KATNAL1: variants seen among roughly 807,000 people sequenced by gnomAD.
KATNAL1 encodes katanin catalytic subunit A1 like 1.
A neutral mutation model predicts 55.2 loss-of-function variants in KATNAL1; 32 were observed. The ratio of observed to expected loss-of-function variants is 0.58; its 90% CI spans 0.44 to 0.78. The LOEUF is 0.78. KATNAL1 is among the 30% of genes least tolerant of loss of function. The pLI, the probability that KATNAL1 is intolerant of heterozygous loss-of-function variation, is 0.00. For missense variants in KATNAL1, 466 were observed against 600.9 expected (o/e 0.78, Z 2.35); for synonymous variants, 193 against 193.6 (o/e 1.00, Z 0.02).
chr13:30,227,406 T>A lies in KATNAL1; in HGVS notation c.1147+6A>T, dbSNP rs759570459. On this transcript the variant is annotated splice_donor_region_variant and intron_variant, in intron 9 of 10. Transcript: ENST00000380615. ...CAGAAAGCTCAAAATAGAGAAGACATCATACCTGTTGGGAGAGGTATATAT... is the reference window on the plus strand; with the variant it reads ...CAGAAAGCTCAAAATAGAGAAGACAACATACCTGTTGGGAGAGGTATATAT... 1.9e-6 allele frequency: 3 copies of A among 1,612,284 alleles called. No individual in the cohort carries two copies. The South Asian group carries it at 3.3e-5, about 18-fold the overall frequency.
chr13:30,247,329 A>G (rs933054647), intron 4 of KATNAL1, among the ~76,000 whole-genome samples: 2 of 152,214 alleles, frequency 1.3e-5, no homozygotes, highest in African/African-American at 4.8e-5. Context: ...GTGCTTACTA[A>G]TTTCAGTATC....
At chr13:30,227,303 T>G in intron 9 of KATNAL1, 109 bp downstream of exon 9, 1 of 1,007,182 alleles carries the variant, frequency 9.9e-7, no homozygotes, top group Non-Finnish European at 1.4e-6. Flanking sequence ...AAATTAATTT[T>G]GTGATGCTAT....
chr13:30,217,654 GACA>G (rs1372207261), intron 9 of KATNAL1, among the ~76,000 whole-genome samples: 2 of 152,138 alleles, frequency 1.3e-5, no homozygotes, highest in African/African-American at 4.8e-5. Flanking sequence ...CAGTACAGGA[GACA>G]ACAACTACAT....
intron 1 of KATNAL1, among the ~76,000 whole-genome samples, chr13:30,293,862 C>T (rs888916590): frequency 7.9e-5 from 12 of 152,194 alleles, no homozygotes; most frequent in African/African-American, 2.9e-4. Flanking sequence ...CATGTGCTCA[C>T]TTTGTGTCTC....
In KATNAL1 at chr13:30,208,755, A is replaced by T; in HGVS notation, c.1275-17T>A. 6.4e-7 allele frequency: 1 copy of T among 1,554,366 alleles called. No homozygotes were observed. Among genetic ancestry groups the T allele is most frequent in the Non-Finnish European group, 8.8e-7 (1 of 1,138,464 alleles). On this transcript the variant is annotated splice_polypyrimidine_tract_variant and intron_variant, in intron 10 of 10. Transcript: ENST00000380615. ...GAGGCATCCCTAAAAATATACCAAA[A>T]TCAGTCAACAGTAATTTTTGCACAT...
chr13:30,254,283 G>C (rs1012240593), intron 4 of KATNAL1, among the ~76,000 whole-genome samples: 1 of 152,090 alleles, frequency 6.6e-6, no homozygotes, highest in Admixed American at 6.5e-5. Context: ...ATAATGGAGG[G>C]AACAAATTTT....
intron 2 of KATNAL1, 42 bp downstream of exon 2, chr13:30,283,574 T>C: frequency 6.3e-7 from 1 of 1,589,376 alleles, no homozygotes. Context: ...TATAATAGGG[T>C]ACTGCCATCC....
In KATNAL1 at chr13:30,274,905, G is replaced by GCACA. The variant is rs1212571978; in HGVS notation, c.323+5157_323+5158insTGTG. The stretch of plus-strand genomic sequence containing the variant: ...TGCACACACATACGCGCGCGCGCGC[G>GCACA]CGCACACACACACACACACACACAC... On this transcript the variant is annotated intron_variant, in intron 3 of 10. Transcript: ENST00000380615. Among the ~76,000 whole-genome samples, 810 of 84,258 alleles carry GCACA rather than the reference G, an allele frequency of 9.6e-3. 2 individuals are homozygous for GCACA. Among genetic ancestry groups the GCACA allele is most frequent in the South Asian group, 0.015 (39 of 2,668 alleles). 55.3% of individuals were successfully genotyped at this position (84,258 alleles called of 152,430 possible). A position where few individuals can be genotyped will look rare whatever the true frequency, so the allele number is the denominator to read the frequency against.
At chr13:30,240,620 G>A in intron 5 of KATNAL1, 55 bp from the exon 6 acceptor site, 1 of 1,205,874 alleles carries the variant, frequency 8.3e-7, no homozygotes. Flanking sequence ...TTGATTTATG[G>A]TCAAAACTAA....
chr13:30,230,662 C>A, intron 7 of KATNAL1, 68 bp from the exon 8 acceptor site: 1 of 1,217,564 alleles, frequency 8.2e-7, no homozygotes, highest in South Asian at 1.7e-5. Context: ...TTAAAAAAAT[C>A]TTTTAAAACA....
chr13:30,257,389 G>A (rs2137467344), intron 3 of KATNAL1, among the ~76,000 whole-genome samples: 1 of 152,304 alleles, frequency 6.6e-6, no homozygotes, highest in Non-Finnish European at 1.5e-5. Context: ...TAAATAGTCT[G>A]TTTTCTTTGT....
At chr13:30,277,349 AT>A (rs1031156595) in intron 3 of KATNAL1, among the ~76,000 whole-genome samples, 4 of 152,148 alleles carry the variant, frequency 2.6e-5, no homozygotes, top group African/African-American at 4.8e-5. Context: ...AGAGATCCCC[AT>A]TTTACAGATA....
At chr13:30,263,571 C>G (rs1391917630) in intron 3 of KATNAL1, among the ~76,000 whole-genome samples, 2 of 152,042 alleles carry the variant, frequency 1.3e-5, no homozygotes, top group Non-Finnish European at 2.9e-5. Context: ...TCTTATACAC[C>G]AACAACAGAC....
chr13:30,304,210 A>G (rs1161477436), intron 1 of KATNAL1, among the ~76,000 whole-genome samples: 2 of 151,272 alleles, frequency 1.3e-5, no homozygotes, highest in African/African-American at 4.9e-5. Context: ...TTCTTCCTCT[A>G]TGCCTCCTAA....
intron 9 of KATNAL1, among the ~76,000 whole-genome samples, chr13:30,219,028 T>C (rs945971328): frequency 2.6e-5 from 4 of 152,238 alleles, no homozygotes; most frequent in African/African-American, 4.8e-5. Flanking sequence ...TTATGGAAAT[T>C]ATATAAAGAG....
chr13:30,218,227 T>TATATATATATATATAA (rs1555258842), intron 9 of KATNAL1, among the ~76,000 whole-genome samples: 90 of 145,282 alleles, frequency 6.2e-4, no homozygotes, highest in African/African-American at 1.8e-3. Flanking sequence ...TATATATATA[T>TATATATATATATATAA]AAAGGACCTG....
At chr13:30,294,797 T>C (rs1485113434) in intron 1 of KATNAL1, among the ~76,000 whole-genome samples, 1 of 152,208 alleles carries the variant, frequency 6.6e-6, no homozygotes, top group East Asian at 1.9e-4. Context: ...AGGGGCTGAT[T>C]TAGCTGACGA....
chr13:30,208,675 T>C lies in KATNAL1; in HGVS notation c.1338A>G (p.Ala446=). 1.9e-6 allele frequency: 3 copies of C among 1,614,080 alleles called. No individual in the cohort carries two copies. Among genetic ancestry groups the C allele is most frequent in the South Asian group, 1.1e-5 (1 of 91,048 alleles). Reference sequence around the variant, plus strand: ...GCATCTGAAGTTCCTCTTTAGAAAGTGCACGGATTTCTTCTGGACTTAAGC... The same window carrying C: ...GCATCTGAAGTTCCTCTTTAGAAAGCGCACGGATTTCTTCTGGACTTAAGC... ...INGLSPEEIR[A]LSKEELQMPV... The change falls in exon 11 of 11, where the codon GCA becomes GCG. Residue 446 remains alanine, a synonymous_variant. Coordinates refer to ENST00000380615, the MANE Select transcript of KATNAL1 (RefSeq NM_032116.5).
At chr13:30,274,895 GCGCGCGCGCGCGCA>G (rs1880671807) in intron 3 of KATNAL1, among the ~76,000 whole-genome samples, 2 of 98,120 alleles carry the variant, frequency 2.0e-5, no homozygotes, top group Admixed American at 1.0e-4. Flanking sequence ...ACACATACGC[GCGCGCGCGCGCGCA>G]CACACACACA....
Sources: gnomAD v4.1 joint callset for allele counts (sites outside exome capture counted in the v4.1 genomes callset) on GRCh38, gnomAD v4.1.1 for gene constraint, MANE v1.5 for transcripts, NCBI Gene and HGNC (gene_info 2026-07-23, HGNC 2026-07-21) for gene names.